The following C11orf65 variants were observed in gnomAD, a reference collection of about 807,000 sequenced individuals.
C11orf65 encodes the protein protein MFI.
In C11orf65, 38 loss-of-function variants were observed where a neutral mutation model predicts 35.3. The ratio of observed to expected loss-of-function variants is 1.08; its 90% CI spans 0.83 to 1.41. The LOEUF (loss-of-function observed/expected upper bound fraction) is 1.41, where lower values mean the gene tolerates loss of function less well. Ranked by LOEUF, C11orf65 falls within the 40% of genes most tolerant of loss-of-function variation. C11orf65 has a pLI of 0.00. For missense variants in C11orf65, 370 were observed against 367.1 expected (o/e 1.01, Z -0.06); for synonymous variants, 105 against 114.4 (o/e 0.92, Z 0.53).
chr11:108,418,436 A>C (rs563582359), intron 3 of C11orf65, among the ~76,000 whole-genome samples: 8 of 152,294 alleles, frequency 5.3e-5, no homozygotes, highest in African/African-American at 1.7e-4. Context: ...GAAATAAAGT[A>C]GAAATTTTAA....
At chr11:108,399,082 G>C (rs2092384217) in intron 6 of C11orf65, among the ~76,000 whole-genome samples, 1 of 152,016 alleles carries the variant, frequency 6.6e-6, no homozygotes, top group South Asian at 2.1e-4. Flanking sequence ...AGTCTATATA[G>C]GGCCTCCATC....
chr11:108,318,688 C>CA (rs1315730885), intron 6 of C11orf65, among the ~76,000 whole-genome samples: 8 of 149,966 alleles, frequency 5.3e-5, no homozygotes, highest in Non-Finnish European at 1.0e-4. Context: ...GACTCTGTCT[C>CA]AAAAAAACAA....
At chr11:108,449,562 C>T (rs1421544413) in intron 2 of C11orf65, among the ~76,000 whole-genome samples, 1 of 151,914 alleles carries the variant, frequency 6.6e-6, no homozygotes, top group Non-Finnish European at 1.5e-5. Flanking sequence ...ATAAATGGTG[C>T]TGGGAAAACT....
Position 108,345,885 on chromosome 11 carries a change from G to A in C11orf65, c.227-10593C>T, listed in dbSNP as rs1060501605. On this transcript the variant is annotated intron_variant, in intron 2 of 3. Transcript: ENST00000524755. Reference sequence around the variant, plus strand: ...TTTGAGAAGCGATTGGCTTATACGCGCAGTGTAGCTACTTCTTCTATTGGT... The same window carrying A: ...TTTGAGAAGCGATTGGCTTATACGCACAGTGTAGCTACTTCTTCTATTGGT... The A allele has an allele frequency of 2.5e-6, 4 of 1,613,664 alleles. No individual in the cohort carries two copies. The highest frequency in any genetic ancestry group is 2.5e-6 in the Non-Finnish European group (3 of 1,179,756).
intron 6 of C11orf65, among the ~76,000 whole-genome samples, chr11:108,319,437 G>A (rs1368300562): frequency 1.3e-5 from 2 of 152,038 alleles, no homozygotes; most frequent in East Asian, 1.9e-4. Context: ...GTTACCATGC[G>A]GGTGGCTTCT....
At chr11:108,407,679 T>G (rs1219971312) in intron 3 of C11orf65, among the ~76,000 whole-genome samples, 6 of 151,342 alleles carry the variant, frequency 4.0e-5, no homozygotes. Flanking sequence ...GCATGGTGGC[T>G]CACGCCTGTA....
intron 3 of C11orf65, among the ~76,000 whole-genome samples, chr11:108,416,427 A>G (rs1360040092): frequency 6.6e-6 from 1 of 152,186 alleles, no homozygotes; most frequent in Non-Finnish European, 1.5e-5. Flanking sequence ...CAAGCCTGCA[A>G]TCACAACACT....
At chr11:108,451,363 A>G (rs2093345249) in intron 2 of C11orf65, among the ~76,000 whole-genome samples, 1 of 151,984 alleles carries the variant, frequency 6.6e-6, no homozygotes, top group Non-Finnish European at 1.5e-5. Context: ...TACACCAATA[A>G]CAGACAAACA....
In C11orf65 at chr11:108,441,885, C is replaced by A. The variant is rs1236194807; in HGVS notation, c.82-10047G>T. ...ACGGGGAGAAACCAGAGCAGAAAAG[C>A]TGAAAATTCTAAATATCAGAATGCC... On this transcript the variant is annotated intron_variant, in intron 2 of 8. Coordinates refer to ENST00000393084, the MANE Select transcript of C11orf65 (RefSeq NM_152587.5). 2.0e-5 allele frequency among the ~76,000 whole-genome samples: 3 copies of A among 152,198 alleles called. No individual in the cohort carries two copies. In the East Asian group the frequency reaches 5.8e-4, roughly 29 times the overall value.
At chr11:108,369,018 A>G (rs1250091038) in intron 2 of C11orf65, 1 of 180,048 alleles carries the variant, frequency 5.6e-6, no homozygotes, top group African/African-American at 2.4e-5. Flanking sequence ...TATTTTCTAT[A>G]GATTTTAGTA....
intron 3 of C11orf65, among the ~76,000 whole-genome samples, chr11:108,418,350 G>T (rs2092770243): frequency 6.6e-6 from 1 of 151,848 alleles, no homozygotes; most frequent in African/African-American, 2.4e-5. Flanking sequence ...AGACAACAGA[G>T]GATTGAAAGT....
At chr11:108,336,030 C>G in intron 2 of C11orf65, 1 of 1,201,220 alleles carries the variant, frequency 8.3e-7, no homozygotes. Flanking sequence ...GGTGAAGTGG[C>G]TCATGCCCAT....
chr11:108,383,974 C>T (rs1385139308), intron 8 of C11orf65, among the ~76,000 whole-genome samples: 4 of 151,818 alleles, frequency 2.6e-5, no homozygotes, highest in East Asian at 1.9e-4. Flanking sequence ...ACAACTCTCC[C>T]GCCTCAGCTT....
chr11:108,359,961 G>A (rs2090505287), intron 2 of C11orf65, among the ~76,000 whole-genome samples: 1 of 151,812 alleles, frequency 6.6e-6, no homozygotes, highest in South Asian at 2.1e-4. Flanking sequence ...CAGAACTGAA[G>A]GAAATAGAGA....
chr11:108,448,391 T>A lies in C11orf65; in HGVS notation c.81+13088A>T, dbSNP rs369462623. On this transcript the variant is annotated intron_variant, in intron 2 of 8. Transcript: ENST00000393084. ...ATTGATGCAAAAATCCTCAATAAAA[T>A]ACTGGCCAACCAAATCCAGCAGCAC... 1.6e-4 allele frequency among the ~76,000 whole-genome samples: 24 copies of A among 152,270 alleles called. 1 individual carries two copies. In the East Asian group the frequency reaches 4.2e-3, roughly 27 times the overall value.
chr11:108,315,525 T>G (rs1288995196), intron 6 of C11orf65, among the ~76,000 whole-genome samples: 1 of 152,124 alleles, frequency 6.6e-6, no homozygotes, highest in African/African-American at 2.4e-5. Context: ...TTTAAAAAAT[T>G]TTTCAGTAGT....
intron 2 of C11orf65, among the ~76,000 whole-genome samples, chr11:108,433,097 A>T (rs1346473728): frequency 6.6e-6 from 1 of 152,020 alleles, no homozygotes; most frequent in African/African-American, 2.4e-5. Flanking sequence ...AATATCTAGG[A>T]TAGCTGGGCC....
intron 2 of C11orf65, among the ~76,000 whole-genome samples, chr11:108,358,639 T>G (rs1166930809): frequency 1.4e-5 from 2 of 142,058 alleles, no homozygotes; most frequent in Non-Finnish European, 3.1e-5. Context: ...GGGGCCAATA[T>G]TCAACATTCT....
At chr11:108,362,422 C>CA in intron 2 of C11orf65, among the ~76,000 whole-genome samples, 1 of 151,848 alleles carries the variant, frequency 6.6e-6, no homozygotes, top group Admixed American at 6.6e-5. Flanking sequence ...TTAGAAATAC[C>CA]ATTTGACCCA....
Sources: allele counts gnomAD v4.1 joint callset (sites outside exome capture counted in the v4.1 genomes callset), GRCh38; gene constraint gnomAD v4.1.1; transcripts MANE v1.5; gene names NCBI Gene and HGNC (gene_info 2026-07-23, HGNC 2026-07-21).